EHBP1: variants seen among roughly 807,000 people sequenced by gnomAD.
The protein encoded by EHBP1 is EH domain binding protein 1.
EHBP1 carries 55 observed loss-of-function variants against 144.0 expected under a neutral mutation model. The ratio of observed to expected loss-of-function variants is 0.38; its 90% CI spans 0.31 to 0.48. The LOEUF (loss-of-function observed/expected upper bound fraction) is 0.48, where lower values mean the gene tolerates loss of function less well. Among genes scored for constraint, EHBP1 ranks in the 20% least tolerant of loss-of-function variants. The pLI is 0.98. For missense variants in EHBP1, 1,200 were observed against 1,364.2 expected (o/e 0.88, Z 1.90); for synonymous variants, 469 against 472.7 (o/e 0.99, Z 0.10).
intron 3 of EHBP1, among the ~76,000 whole-genome samples, chr2:62,755,287 A>C (rs555417038): frequency 6.6e-6 from 1 of 152,206 alleles, no homozygotes; most frequent in Non-Finnish European, 1.5e-5. Context: ...TTCGCTTGAC[A>C]TAACGTTTTT....
chr2:62,808,604 A>G (rs1053976200), intron 5 of EHBP1, among the ~76,000 whole-genome samples: 4 of 152,010 alleles, frequency 2.6e-5, no homozygotes, highest in Admixed American at 6.6e-5. Context: ...CATCTCTTCT[A>G]TATCTGAGTC....
At chr2:62,746,957 G>A (rs2039220871) in intron 2 of EHBP1, among the ~76,000 whole-genome samples, 5 of 152,026 alleles carry the variant, frequency 3.3e-5, no homozygotes, top group Admixed American at 2.6e-4. Context: ...AAAACCACAA[G>A]CATTGTTCAT....
chr2:62,874,567 A>G (rs1558835851), intron 10 of EHBP1, 35 bp downstream of exon 10: 2 of 1,504,252 alleles, frequency 1.3e-6, no homozygotes, highest in Non-Finnish European at 1.8e-6. Flanking sequence ...ATGTATTAAT[A>G]TTTGCTGTTT....
At chr2:62,839,288 A>G (rs1373724221) in intron 7 of EHBP1, among the ~76,000 whole-genome samples, 1 of 151,618 alleles carries the variant, frequency 6.6e-6, no homozygotes, top group Non-Finnish European at 1.5e-5. Flanking sequence ...ACAAAATTCA[A>G]CAACCCTTCA....
intron 2 of EHBP1, among the ~76,000 whole-genome samples, chr2:62,721,147 C>G (rs1195977570): frequency 1.3e-5 from 2 of 152,088 alleles, no homozygotes; most frequent in South Asian, 2.1e-4. Context: ...AGTTTTTAGT[C>G]TTTTTTTGTT....
intron 10 of EHBP1, among the ~76,000 whole-genome samples, chr2:62,898,706 A>G (rs1289992584): frequency 6.6e-6 from 1 of 152,076 alleles, no homozygotes; most frequent in Non-Finnish European, 1.5e-5. Flanking sequence ...TCAATAAATA[A>G]TTGTTGGGTG....
chr2:62,890,859 T>C (rs2052401479), intron 10 of EHBP1, among the ~76,000 whole-genome samples: 1 of 152,198 alleles, frequency 6.6e-6, no homozygotes, highest in South Asian at 2.1e-4. Flanking sequence ...GTGTAATTAA[T>C]CTATAAGTCA....
chr2:62,960,879 C>T (rs2057967732), intron 14 of EHBP1, among the ~76,000 whole-genome samples: 1 of 152,132 alleles, frequency 6.6e-6, no homozygotes, highest in Admixed American at 6.5e-5. Context: ...TCATTCTTTC[C>T]TTGCTATTCT....
At chr2:62,933,823 G>A (rs2056183586) in intron 10 of EHBP1, among the ~76,000 whole-genome samples, 1 of 152,032 alleles carries the variant, frequency 6.6e-6, no homozygotes, top group Non-Finnish European at 1.5e-5. Flanking sequence ...ACTTTTGACT[G>A]ATTTTAAATT....
Position 62,921,471 on chromosome 2 carries a change from C to T in EHBP1, c.1186-21247C>T, listed in dbSNP as rs140295395. ...AAAAAGAAAAAAAAAAAAGTAATCC[C>T]CATGATAACCACAAAGAAAATAACA... On this transcript the variant is annotated intron_variant, in intron 10 of 22. Transcript: ENST00000431489. Among the ~76,000 whole-genome samples, 3 of 151,554 alleles carry T rather than the reference C, an allele frequency of 2.0e-5. No individual in the cohort carries two copies. In the East Asian group the frequency reaches 5.8e-4, roughly 29 times the overall value.
intron 1 of EHBP1, among the ~76,000 whole-genome samples, chr2:62,677,484 T>C (rs1462234527): frequency 6.6e-6 from 1 of 152,236 alleles, no homozygotes; most frequent in African/African-American, 2.4e-5. Flanking sequence ...ATTTATCCTT[T>C]GTGTTACAAA....
Position 62,949,056 on chromosome 2 carries a change from T to C in EHBP1, c.2210T>C (p.Leu737Pro). Reference sequence around the variant, plus strand: ...CTTGGATACTCATATAGTAGAGATCTAGACCTTGCTAAGAAAAAACATGCT... The same window carrying C: ...CTTGGATACTCATATAGTAGAGATCCAGACCTTGCTAAGAAAAAACATGCT... ...SKLGYSYSRD[L>P]DLAKKKHASL... The change falls in exon 13 of 23, where the codon CTA becomes CCA. Residue 737 changes from leucine to proline, a missense_variant. Physicochemically the swap from Leu to Pro is moderately conservative, Grantham distance 98. This residue lies in a region of EHBP1 where 543 missense variants were observed against 513.1 expected (regional missense o/e 1.06). Coordinates refer to ENST00000431489, the MANE Select transcript of EHBP1 (RefSeq NM_001142616.3). 6.2e-7 allele frequency: 1 copy of C among 1,609,294 alleles called. No individual in the cohort carries two copies. Among genetic ancestry groups the C allele is most frequent in the Non-Finnish European group, 8.5e-7 (1 of 1,178,956 alleles).
intron 5 of EHBP1, among the ~76,000 whole-genome samples, chr2:62,822,704 C>T (rs945476179): frequency 6.6e-6 from 1 of 152,136 alleles, no homozygotes; most frequent in African/African-American, 2.4e-5. Context: ...CATTGTTTCA[C>T]ATTCTTATCA....
chr2:63,045,362 A>G lies in EHBP1; in HGVS notation c.3393-48A>G. On this transcript the variant is annotated intron_variant, in intron 22 of 22. Coordinates refer to ENST00000431489, the MANE Select transcript of EHBP1 (RefSeq NM_001142616.3). This position sits in a 1 kb window ranked among gnomAD's most constrained non-coding sequence, Gnocchi z 5.7. The stretch of plus-strand genomic sequence containing the variant: ...GGGGAGTGCTGCTCTGCCCTCCACG[A>G]AGAAAAATAATTTTGTTTCCTGTTT... 1 of 1,581,128 alleles carries G rather than the reference A, an allele frequency of 6.3e-7. No homozygotes were observed. The highest frequency in any genetic ancestry group is 8.7e-7 in the Non-Finnish European group (1 of 1,150,364).
At chr2:62,932,590 A>T (rs1036793169) in intron 10 of EHBP1, among the ~76,000 whole-genome samples, 1 of 152,218 alleles carries the variant, frequency 6.6e-6, no homozygotes, top group East Asian at 1.9e-4. Context: ...TCAGTTTTAC[A>T]AAATCAGAAA....
intron 9 of EHBP1, among the ~76,000 whole-genome samples, chr2:62,868,765 T>C (rs1360178755): frequency 6.6e-6 from 1 of 151,988 alleles, no homozygotes; most frequent in African/African-American, 2.4e-5. Context: ...CTGAGCAGCA[T>C]AACAAGAGTC....
In EHBP1 at chr2:62,957,641, C is replaced by CTTTTTTTTTTT. The variant is rs1157397512; in HGVS notation, c.2460+1993_2460+2003dup. ...TAAAATTAATATTTGAAAATAAATG[C>CTTTTTTTTTTT]TTTTTTTTTTTTTTTTTTTTTTGAG... On this transcript the variant is annotated intron_variant, in intron 14 of 22. Transcript: ENST00000431489. Among the ~76,000 whole-genome samples the CTTTTTTTTTTT allele has an allele frequency of 2.2e-3, 188 of 87,162 alleles. 19 individuals are homozygous for CTTTTTTTTTTT. The highest frequency in any genetic ancestry group is 5.6e-3 in the African/African-American group (110 of 19,486). The allele number at this position is 87,162 out of a possible 152,430, so 57.2% of individuals were successfully genotyped here. A position where few individuals can be genotyped will look rare whatever the true frequency, so the allele number is the denominator to read the frequency against.
chr2:62,933,646 C>T (rs139585737), intron 10 of EHBP1, among the ~76,000 whole-genome samples: 4 of 152,044 alleles, frequency 2.6e-5, no homozygotes, highest in East Asian at 3.9e-4. Context: ...ATATAACCAC[C>T]GATTATAGGG....
intron 19 of EHBP1, among the ~76,000 whole-genome samples, chr2:63,020,265 A>T (rs1360679411): frequency 2.0e-5 from 3 of 147,504 alleles, no homozygotes; most frequent in Non-Finnish European, 4.5e-5. Context: ...TGGAGGTTGC[A>T]GTGAGCCGAA....
Sources: gnomAD v4.1 joint callset for allele counts (sites outside exome capture counted in the v4.1 genomes callset) on GRCh38, gnomAD v4.1.1 for gene constraint, gnomAD v4.1.1 regional missense constraint, Gnocchi (gnomAD v3.1) non-coding constraint, MANE v1.5 for transcripts, NCBI Gene and HGNC (gene_info 2026-07-23, HGNC 2026-07-21) for gene names.